OSTN: variants seen among roughly 807,000 people sequenced by gnomAD.
The protein encoded by OSTN is osteocrin.
A neutral mutation model predicts 12.0 loss-of-function variants in OSTN; 9 were observed. The ratio of observed to expected loss-of-function variants is 0.75; its 90% CI spans 0.45 to 1.30. OSTN has a LOEUF of 1.30. OSTN is among the 50% of genes most tolerant of loss of function. OSTN has a pLI of 0.00. For synonymous variants in OSTN, 59 were observed against 56.9 expected (o/e 1.04, Z -0.16); for missense variants, 148 against 152.3 (o/e 0.97, Z 0.15).
intron 3 of OSTN, among the ~76,000 whole-genome samples, chr3:191,221,038 G>C (rs1714749714): frequency 6.6e-6 from 1 of 152,160 alleles, no homozygotes; most frequent in South Asian, 2.1e-4. Flanking sequence ...CCCCCGTGCT[G>C]AAGTTCCTGT....
intron 3 of OSTN, 130 bp from the exon 4 acceptor site, chr3:191,249,907 G>A (rs1411420784): frequency 3.0e-6 from 2 of 663,650 alleles, no homozygotes; most frequent in African/African-American, 1.8e-5. Flanking sequence ...AGTGAGTACT[G>A]GTGAGTGGGA....
At position 191,262,989 on chromosome 3, in the gene OSTN, C is replaced by G; in HGVS notation, c.*136C>G. The G allele has an allele frequency of 1.5e-6, 1 of 662,608 alleles. No individual in the cohort carries two copies. The highest frequency in any genetic ancestry group is 2.8e-6 in the Non-Finnish European group (1 of 360,230). The allele number at this position is 662,608 out of a possible 1,614,324, so 41.0% of individuals were successfully genotyped here. ...CTGCAAATCCTTTCCAAAGCTTGAA[C>G]TTCAGTCCATCACATTACAGCATTG... On this transcript the variant is annotated 3_prime_UTR_variant, in exon 5 of 5. Coordinates refer to ENST00000682035, the MANE Select transcript of OSTN (RefSeq NM_198184.2).
At chr3:191,250,214 T>TGAAA in intron 4 of OSTN, 81 bp downstream of exon 4, 1 of 1,079,220 alleles carries the variant, frequency 9.3e-7, no homozygotes, top group Non-Finnish European at 1.4e-6. Flanking sequence ...CCATTCTTGC[T>TGAAA]TATAAATCCC....
chr3:191,223,587 A>T (rs918104645), intron 3 of OSTN, among the ~76,000 whole-genome samples: 1 of 152,236 alleles, frequency 6.6e-6, no homozygotes, highest in Non-Finnish European at 1.5e-5. Context: ...CAACAAATAG[A>T]TGCTTGGGGA....
At chr3:191,261,410 G>A (rs1715807344) in intron 4 of OSTN, among the ~76,000 whole-genome samples, 1 of 152,162 alleles carries the variant, frequency 6.6e-6, no homozygotes, top group South Asian at 2.1e-4. Flanking sequence ...AGAGGTTATG[G>A]GAGAGAGAAA....
At chr3:191,246,235 T>G (rs988450101) in intron 3 of OSTN, among the ~76,000 whole-genome samples, 1 of 152,010 alleles carries the variant, frequency 6.6e-6, no homozygotes, top group African/African-American at 2.4e-5. Context: ...GAGGGTTGGT[T>G]TTTCACTTCC....
At chr3:191,250,455 C>A (rs1417687179) in intron 4 of OSTN, among the ~76,000 whole-genome samples, 2 of 152,088 alleles carry the variant, frequency 1.3e-5, no homozygotes, top group Non-Finnish European at 2.9e-5. Flanking sequence ...TATTAAATCA[C>A]CTCCATAAAT....
At chr3:191,224,762 C>T (rs935752266) in intron 3 of OSTN, among the ~76,000 whole-genome samples, 2 of 151,826 alleles carry the variant, frequency 1.3e-5, no homozygotes, top group African/African-American at 4.8e-5. Context: ...AAGAAGAATA[C>T]CAAATTTTAT....
At chr3:191,260,205 T>A (rs1249048036) in intron 4 of OSTN, among the ~76,000 whole-genome samples, 1 of 145,554 alleles carries the variant, frequency 6.9e-6, no homozygotes, top group Non-Finnish European at 1.5e-5. Flanking sequence ...ATATCTCTAA[T>A]TTTTTTTTTT....
At chr3:191,238,843 T>G (rs537030828) in intron 3 of OSTN, among the ~76,000 whole-genome samples, 1 of 152,360 alleles carries the variant, frequency 6.6e-6, no homozygotes, top group African/African-American at 2.4e-5. Context: ...ACCCAATTTA[T>G]GTATGAAGCT....
At chr3:191,220,723 A>C (rs1359526590) in intron 3 of OSTN, among the ~76,000 whole-genome samples, 1 of 152,192 alleles carries the variant, frequency 6.6e-6, no homozygotes, top group Non-Finnish European at 1.5e-5. Flanking sequence ...TTAGAGAAGA[A>C]AATATGGTGC....
At chr3:191,262,560 C>G (rs1229534156) in intron 4 of OSTN, among the ~76,000 whole-genome samples, 1 of 152,110 alleles carries the variant, frequency 6.6e-6, no homozygotes, top group East Asian at 1.9e-4. Flanking sequence ...ATTAAAAACT[C>G]AAGCAAAATA....
At chr3:191,238,256 GAA>G (rs1408703566) in intron 3 of OSTN, among the ~76,000 whole-genome samples, 1 of 152,026 alleles carries the variant, frequency 6.6e-6, no homozygotes, top group Non-Finnish European at 1.5e-5. Context: ...TACTTGCGGG[GAA>G]AAAAATCCAA....
intron 4 of OSTN, among the ~76,000 whole-genome samples, chr3:191,259,179 A>C (rs1715743312): frequency 1.3e-5 from 2 of 148,906 alleles, no homozygotes; most frequent in Non-Finnish European, 3.0e-5. Context: ...GGAGAAGTGA[A>C]AGTAAACGGG....
chr3:191,243,671 C>A (rs1204181854), intron 3 of OSTN, among the ~76,000 whole-genome samples: 2 of 152,100 alleles, frequency 1.3e-5, no homozygotes, highest in African/African-American at 4.8e-5. Flanking sequence ...TATCACCTGA[C>A]AGCTACCGTT....
chr3:191,200,994 A>G (rs906234040), intron 1 of OSTN, among the ~76,000 whole-genome samples: 1 of 152,178 alleles, frequency 6.6e-6, no homozygotes, highest in African/African-American at 2.4e-5. Context: ...TTGTGGGGAT[A>G]CAACAAGTAA....
chr3:191,249,996 T>C (rs1189655900), intron 3 of OSTN, 41 bp from the exon 4 acceptor site: 2 of 1,419,326 alleles, frequency 1.4e-6, no homozygotes, highest in Non-Finnish European at 2.0e-6. Context: ...GATCAATAAC[T>C]TGCCCTTTAG....
chr3:191,245,344 A>T (rs1410736122), intron 3 of OSTN, among the ~76,000 whole-genome samples: 1 of 149,598 alleles, frequency 6.7e-6, no homozygotes, highest in Non-Finnish European at 1.5e-5. Flanking sequence ...ATCAAATATC[A>T]CTTAACAAAT....
chr3:191,236,125 C>T (rs776662821), intron 3 of OSTN, among the ~76,000 whole-genome samples: 6 of 152,188 alleles, frequency 3.9e-5, no homozygotes, highest in Non-Finnish European at 4.4e-5. Flanking sequence ...TTTGTAGCAA[C>T]CTCCTTTGGA....
Sources: gnomAD v4.1 joint callset for allele counts (sites outside exome capture counted in the v4.1 genomes callset) on GRCh38, gnomAD v4.1.1 for gene constraint, MANE v1.5 for transcripts, NCBI Gene and HGNC (gene_info 2026-07-23, HGNC 2026-07-21) for gene names.